The following OTOF variants were observed in gnomAD, a reference collection of about 807,000 sequenced individuals.
OTOF encodes otoferlin.
OTOF carries 218 observed loss-of-function variants against 236.8 expected under a neutral mutation model. That is an observed-to-expected ratio of 0.92 (90% CI 0.82 to 1.03). The LOEUF is 1.03. Among genes scored for constraint, OTOF ranks in the 50% least tolerant of loss-of-function variants. OTOF has a pLI of 0.00. For missense variants in OTOF, 2,590 were observed against 2,694.4 expected, an observed-to-expected ratio of 0.96 and a Z score of 0.86; for synonymous variants, 1,041 against 1,072.5, an observed-to-expected ratio of 0.97 and a Z score of 0.57.
At chr2:26,481,930 G>A (rs992725715) in intron 14 of OTOF, among the ~76,000 whole-genome samples, 1 of 152,038 alleles carries the variant, frequency 6.6e-6, no homozygotes, top group Non-Finnish European at 1.5e-5. Flanking sequence ...CTTTGATCCA[G>A]GAATAGATTC....
At chr2:26,548,466 C>T (rs1365868353) in intron 1 of OTOF, among the ~76,000 whole-genome samples, 3 of 152,166 alleles carry the variant, frequency 2.0e-5, no homozygotes, top group Admixed American at 6.5e-5. Flanking sequence ...ACTCCATACC[C>T]GTGAGCAGTC....
intron 8 of OTOF, among the ~76,000 whole-genome samples, chr2:26,499,784 T>G (rs1415548179): frequency 1.3e-5 from 2 of 152,310 alleles, no homozygotes; most frequent in East Asian, 3.9e-4. Flanking sequence ...CATGAGTCAC[T>G]GCACCCGGCC....
intron 1 of OTOF, among the ~76,000 whole-genome samples, chr2:26,551,823 T>A (rs912324536): frequency 6.6e-6 from 1 of 152,236 alleles, no homozygotes; most frequent in African/African-American, 2.4e-5. Flanking sequence ...TAAGGAATTG[T>A]TATTAATTTC....
intron 2 of OTOF, among the ~76,000 whole-genome samples, chr2:26,535,200 G>A (rs1348455012): frequency 1.3e-5 from 2 of 152,308 alleles, no homozygotes; most frequent in South Asian, 2.1e-4. Context: ...CAGGGGTGGT[G>A]GGAGTCAGGC....
rs1558461334 is a variant in OTOF, at chr2:26,457,860, C to T, written c.*378G>A. Reference sequence around the variant, plus strand: ...CAGGGGTCAGAGGGGCGGGACTGGGCAAGCCGCAGCCTGGGGCAGTGAGGA... The same window carrying T: ...CAGGGGTCAGAGGGGCGGGACTGGGTAAGCCGCAGCCTGGGGCAGTGAGGA... On this transcript the variant is annotated 3_prime_UTR_variant, in exon 47 of 47. Transcript: ENST00000272371. This position sits in a 1 kb window ranked among gnomAD's most constrained non-coding sequence, Gnocchi z 4.4. 3.1e-6 allele frequency: 2 copies of T among 646,056 alleles called. No individual in the cohort carries two copies. The allele number at this position is 646,056 out of a possible 1,614,324, so 40.0% of individuals were successfully genotyped here.
chr2:26,514,709 C>T (rs896074654), intron 5 of OTOF, among the ~76,000 whole-genome samples: 1 of 152,212 alleles, frequency 6.6e-6, no homozygotes, highest in African/African-American at 2.4e-5. Context: ...GTGACATGCC[C>T]AGTGTCACTC....
chr2:26,531,450 T>A (rs1666946500), intron 2 of OTOF, among the ~76,000 whole-genome samples: 1 of 152,158 alleles, frequency 6.6e-6, no homozygotes, highest in Non-Finnish European at 1.5e-5. Flanking sequence ...ATCTCACAGG[T>A]GACAGCAGTC....
At chr2:26,558,043 C>T (rs1176002755) in intron 1 of OTOF, among the ~76,000 whole-genome samples, 2 of 151,924 alleles carry the variant, frequency 1.3e-5, no homozygotes, top group East Asian at 3.9e-4. Context: ...CACTCTGGGG[C>T]CCAGGGAGCT....
intron 3 of OTOF, among the ~76,000 whole-genome samples, chr2:26,527,381 G>T (rs1287928322): frequency 6.6e-6 from 1 of 152,230 alleles, no homozygotes; most frequent in Non-Finnish European, 1.5e-5. Flanking sequence ...GAGTGTCTGA[G>T]ATCAGGCTTG....
chr2:26,466,144 G>T, intron 36 of OTOF, 68 bp from the exon 37 acceptor site: 1 of 1,597,830 alleles, frequency 6.3e-7, no homozygotes, highest in Non-Finnish European at 8.6e-7. Context: ...CCCCTGCCAG[G>T]CTGCCTGAGG....
chr2:26,537,901 G>A, intron 1 of OTOF, 127 bp from the exon 2 acceptor site: 1 of 747,868 alleles, frequency 1.3e-6, no homozygotes, highest in Non-Finnish European at 2.4e-6. Context: ...GGACCTCGTG[G>A]CTTGCTCACC....
intron 4 of OTOF, 44 bp downstream of exon 4, chr2:26,518,966 G>A: frequency 7.5e-7 from 1 of 1,342,064 alleles, no homozygotes; most frequent in Non-Finnish European, 1.1e-6. Context: ...ACCCCCAGAT[G>A]GCCCCATATG....
intron 2 of OTOF, among the ~76,000 whole-genome samples, chr2:26,529,722 T>A (rs934790625): frequency 1.3e-5 from 2 of 151,994 alleles, no homozygotes; most frequent in Non-Finnish European, 2.9e-5. Context: ...GACATCTCCC[T>A]TCAGGACTGG....
Position 26,480,981 on chromosome 2 carries a change from C to G in OTOF, c.1608G>C (p.Trp536Cys). ...TACGTGTGGAGCCGTACATGTTCACCCAGGCTGGGCCCAGTGTGGGCAGGA... is the reference window on the plus strand; with the variant it reads ...TACGTGTGGAGCCGTACATGTTCACGCAGGCTGGGCCCAGTGTGGGCAGGA... ...KGFLPTLGPA[W>C]VNMYGSTRNY... is the part of the protein sequence containing the mutation. Residue 536 changes from tryptophan to cysteine, a missense_variant, in exon 15 of 47, where the codon TGG (tryptophan) becomes TGC (cysteine). This residue lies in a region of OTOF where 1,379 missense variants were observed against 1,341.6 expected (regional missense o/e 1.03). Coordinates refer to ENST00000272371, the MANE Select transcript of OTOF (RefSeq NM_194248.3). 6.2e-7 allele frequency: 1 copy of G among 1,609,928 alleles called. No individual in the cohort carries two copies. Among genetic ancestry groups the G allele is most frequent in the Non-Finnish European group, 8.5e-7 (1 of 1,178,790 alleles).
At position 26,477,301 on chromosome 2, in the gene OTOF, G is replaced by C; in HGVS notation, c.2407-13C>G. 1 of 1,607,000 alleles carries C rather than the reference G, an allele frequency of 6.2e-7. No individual in the cohort carries two copies. Among genetic ancestry groups the C allele is most frequent in the Non-Finnish European group, 8.5e-7 (1 of 1,176,940 alleles). ...GCCCCATGTTTTCCTGCGAAGGAGG[G>C]GGTGTCAGTGAACCCAGCAACTGGG... On this transcript the variant is annotated splice_polypyrimidine_tract_variant and intron_variant, in intron 20 of 46. Coordinates refer to ENST00000272371, the MANE Select transcript of OTOF (RefSeq NM_194248.3). The surrounding 1 kb of genome is among the most constrained non-coding windows in gnomAD (Gnocchi z 4.7).
intron 1 of OTOF, among the ~76,000 whole-genome samples, chr2:26,553,543 T>C (rs1362146790): frequency 6.6e-6 from 1 of 152,194 alleles, no homozygotes; most frequent in Non-Finnish European, 1.5e-5. Flanking sequence ...TCTGTGTGTA[T>C]GTTTCTTCTC....
At chr2:26,507,742 C>G (rs1473722383) in intron 5 of OTOF, among the ~76,000 whole-genome samples, 1 of 152,178 alleles carries the variant, frequency 6.6e-6, no homozygotes, top group Non-Finnish European at 1.5e-5. Context: ...AGGCCAGTAT[C>G]CCAGGACCCT....
intron 1 of OTOF, among the ~76,000 whole-genome samples, chr2:26,553,978 C>T (rs963310795): frequency 2.2e-4 from 33 of 152,016 alleles, no homozygotes; most frequent in African/African-American, 7.7e-4. Context: ...TGAGACCAGC[C>T]TGGGAAATAT....
intron 25 of OTOF, 31 bp from the exon 26 acceptor site, chr2:26,474,705 G>T: frequency 6.2e-7 from 1 of 1,612,550 alleles, no homozygotes; most frequent in Non-Finnish European, 8.5e-7. Flanking sequence ...GAAGCCTCTT[G>T]GTGCTTGCTG....
Sources: allele counts gnomAD v4.1 joint callset (sites outside exome capture counted in the v4.1 genomes callset), GRCh38; gene constraint gnomAD v4.1.1; regional missense constraint gnomAD v4.1.1; non-coding constraint Gnocchi (gnomAD v3.1); transcripts MANE v1.5; gene names NCBI Gene and HGNC (gene_info 2026-07-23, HGNC 2026-07-21).